Variants in L3MBTL4 observed in about 807,000 individuals in gnomAD.
L3MBTL4 encodes the protein L3MBTL histone methyl-lysine binding protein 4.
A neutral mutation model predicts 84.5 loss-of-function variants in L3MBTL4; 70 were observed. That is an observed-to-expected ratio of 0.83 (90% confidence interval 0.68 to 1.01). The LOEUF is 1.01. L3MBTL4 is among the 50% of genes least tolerant of loss of function. The pLI is 0.00. For synonymous variants in L3MBTL4, 274 were observed against 259.8 expected (o/e 1.05, Z -0.52); for missense variants, 715 against 754.8 (o/e 0.95, Z 0.62).
chr18:6,383,354 G>A (rs1388289381), intron 1 of L3MBTL4, among the ~76,000 whole-genome samples: 1 of 151,794 alleles, frequency 6.6e-6, no homozygotes, highest in East Asian at 1.9e-4. Context: ...GTGCCACTGG[G>A]ATACAAAAAA....
chr18:5,958,734 G>A (rs2095246990), intron 18 of L3MBTL4, among the ~76,000 whole-genome samples: 1 of 152,118 alleles, frequency 6.6e-6, no homozygotes, highest in Non-Finnish European at 1.5e-5. Context: ...CAAGAACAGG[G>A]CTCGGTGCTT....
intron 12 of L3MBTL4, among the ~76,000 whole-genome samples, chr18:6,174,944 T>C (rs1273190373): frequency 6.7e-6 from 1 of 149,462 alleles, no homozygotes; most frequent in Non-Finnish European, 1.5e-5. Context: ...AACATACGCA[T>C]ATTTGGATTC....
rs189943107 is a variant in L3MBTL4 at position 6,039,475 on chromosome 18, T to C, written c.1444+41406A>G. Reference sequence around the variant, plus strand: ...AGAAAAGAGCCTTCACTTTTTGAGTTTCCCCCAATTTAAACCAATGCAAAT... The same window carrying C: ...AGAAAAGAGCCTTCACTTTTTGAGTCTCCCCCAATTTAAACCAATGCAAAT... On this transcript the variant is annotated intron_variant, in intron 16 of 18. Transcript: ENST00000317931. Among the ~76,000 whole-genome samples the C allele has an allele frequency of 6.6e-5, 10 of 152,332 alleles. No individual in the cohort carries two copies. In the East Asian group the frequency reaches 1.5e-3, roughly 24 times the overall value.
chr18:6,196,157 C>CTTTTTTTTTTTTT lies in L3MBTL4; in HGVS notation c.981+16979_981+16991dup, dbSNP rs71370547. On this transcript the variant is annotated intron_variant, in intron 12 of 18. Transcript: ENST00000317931. ...TCATTTGTGCCTATCTAGAGTTCCT[C>CTTTTTTTTTTTTT]TTTTTTTTTTTTTTTTTTGAGACTG... Among the ~76,000 whole-genome samples the CTTTTTTTTTTTTT allele has an allele frequency of 1.4e-4, 18 of 130,196 alleles. 1 individual carries two copies. The highest frequency in any genetic ancestry group is 5.2e-4 in the African/African-American group (16 of 30,530). 85.4% of individuals were successfully genotyped at this position (130,196 alleles called of 152,430 possible). A position where few individuals can be genotyped will look rare whatever the true frequency, so the allele number is the denominator to read the frequency against.
chr18:5,989,655 C>T (rs1397391160), intron 16 of L3MBTL4, among the ~76,000 whole-genome samples: 3 of 152,200 alleles, frequency 2.0e-5, no homozygotes, highest in Non-Finnish European at 2.9e-5. Flanking sequence ...AGGCAGATCA[C>T]TTGGGAATCT....
intron 10 of L3MBTL4, 47 bp downstream of exon 10, chr18:6,237,917 C>A: frequency 1.5e-6 from 2 of 1,378,656 alleles, no homozygotes; most frequent in Non-Finnish European, 2.1e-6. Flanking sequence ...TGAGGACTGC[C>A]ACTCACACAG....
intron 1 of L3MBTL4, among the ~76,000 whole-genome samples, chr18:6,357,017 G>A (rs1329383845): frequency 1.3e-5 from 2 of 152,154 alleles, no homozygotes; most frequent in African/African-American, 2.4e-5. Context: ...ATAATCTTAC[G>A]TGATCATATA....
intron 1 of L3MBTL4, among the ~76,000 whole-genome samples, chr18:6,391,870 A>ACAC (rs2055068961): frequency 6.6e-6 from 1 of 152,188 alleles, no homozygotes; most frequent in Non-Finnish European, 1.5e-5. Flanking sequence ...CAACAAATGG[A>ACAC]AACACATCAC....
At chr18:6,196,271 C>T (rs1464455491) in intron 12 of L3MBTL4, among the ~76,000 whole-genome samples, 1 of 151,558 alleles carries the variant, frequency 6.6e-6, no homozygotes, top group East Asian at 1.9e-4. Flanking sequence ...CATTCTCCTG[C>T]CTCAGCCTCC....
rs1475389368 is a variant in L3MBTL4, at chr18:6,378,150, C to G, written c.-91+36651G>C. Among the ~76,000 whole-genome samples, 4 of 152,182 alleles carry G rather than the reference C, an allele frequency of 2.6e-5. No homozygotes were observed. The South Asian group carries it at 8.3e-4, about 32-fold the overall frequency. On this transcript the variant is annotated intron_variant, in intron 1 of 18. Transcript: ENST00000317931. ...AGTGTCTGTTCATATCCTTTGCCCA[C>G]TTTTGGATGGGGTTGTTTGTTTTTT...
At chr18:6,000,717 G>T (rs1266384618) in intron 16 of L3MBTL4, among the ~76,000 whole-genome samples, 1 of 152,200 alleles carries the variant, frequency 6.6e-6, no homozygotes, top group African/African-American at 2.4e-5. Flanking sequence ...GCCACATTCA[G>T]TGAATTGGAA....
intron 16 of L3MBTL4, among the ~76,000 whole-genome samples, chr18:6,011,809 C>A (rs582180): frequency 0.8 from 121,391 of 152,084 alleles, 48,792 homozygotes; most frequent in Admixed American, 0.85. Flanking sequence ...CCCTATGTTC[C>A]TGGTTTCTTG....
At chr18:6,119,284 A>G (rs1345876693) in intron 14 of L3MBTL4, among the ~76,000 whole-genome samples, 5 of 152,140 alleles carry the variant, frequency 3.3e-5, no homozygotes, top group African/African-American at 1.2e-4. Flanking sequence ...AGCTGTTTGG[A>G]ACTACTGTCA....
rs410556 is a variant in L3MBTL4, at chr18:6,316,197, A to G, written c.-90-4141T>C. Among the ~76,000 whole-genome samples, 215 of 138,278 alleles carry G rather than the reference A, an allele frequency of 1.6e-3. 1 individual carries two copies. The highest frequency in any genetic ancestry group is 5.0e-3 in the East Asian group (21 of 4,168). 90.7% of individuals were successfully genotyped at this position (138,278 alleles called of 152,430 possible). A position where few individuals can be genotyped will look rare whatever the true frequency, so the allele number is the denominator to read the frequency against. ...CCGGTGCCTACTGCTGGGAGACATA[A>G]GGACAGGTCACATCACTGGACCCCT... On this transcript the variant is annotated intron_variant, in intron 1 of 18. Coordinates refer to ENST00000317931, the MANE Select transcript of L3MBTL4 (RefSeq NM_001330559.2).
At chr18:6,009,596 T>G (rs2054643815) in intron 16 of L3MBTL4, among the ~76,000 whole-genome samples, 1 of 152,210 alleles carries the variant, frequency 6.6e-6, no homozygotes, top group South Asian at 2.1e-4. Context: ...AAATGGTGTG[T>G]ATCTGCACAC....
At chr18:6,187,118 G>C (rs1359775403) in intron 12 of L3MBTL4, among the ~76,000 whole-genome samples, 12 of 152,164 alleles carry the variant, frequency 7.9e-5, no homozygotes. Context: ...GGTCCACTTA[G>C]AAAACTGATA....
chr18:6,196,318 C>T (rs1009645247), intron 12 of L3MBTL4, among the ~76,000 whole-genome samples: 12 of 152,154 alleles, frequency 7.9e-5, no homozygotes, highest in East Asian at 3.9e-4. Flanking sequence ...CCACCACGCC[C>T]GTCTAATTTT....
Position 6,258,392 on chromosome 18 carries a change from G to A in L3MBTL4, c.219+5555C>T, listed in dbSNP as rs920669994. 1.1e-4 allele frequency among the ~76,000 whole-genome samples: 17 copies of A among 152,302 alleles called. No individual in the cohort carries two copies. In the East Asian group the frequency reaches 2.1e-3, roughly 19 times the overall value. On this transcript the variant is annotated intron_variant, in intron 5 of 18. Coordinates refer to ENST00000317931, the MANE Select transcript of L3MBTL4 (RefSeq NM_001330559.2). Reference sequence around the variant, plus strand: ...GGTAGAGAAGGTAGGCAGTGAATACGCATTAGTCAGGAGCTGGGATTGCGG... The same window carrying A: ...GGTAGAGAAGGTAGGCAGTGAATACACATTAGTCAGGAGCTGGGATTGCGG...
intron 14 of L3MBTL4, among the ~76,000 whole-genome samples, chr18:6,128,190 A>C (rs58408395): frequency 0.14 from 20,666 of 151,716 alleles, 2,050 homozygotes; most frequent in East Asian, 0.43. Flanking sequence ...AAAAAAAAAC[A>C]CAGTATAATC....
Sources: gnomAD v4.1 joint callset for allele counts (sites outside exome capture counted in the v4.1 genomes callset) on GRCh38, gnomAD v4.1.1 for gene constraint, MANE v1.5 for transcripts, NCBI Gene and HGNC (gene_info 2026-07-23, HGNC 2026-07-21) for gene names.